The following TBX18 variants were observed in gnomAD, a reference collection of about 807,000 sequenced individuals.
TBX18 encodes T-box transcription factor 18.
Under a neutral mutation model 55.0 loss-of-function variants are expected in TBX18, and 21 were observed. That is an observed-to-expected ratio of 0.38 (90% CI 0.27 to 0.55). The LOEUF (loss-of-function observed/expected upper bound fraction) is 0.55, where lower values mean the gene tolerates loss of function less well. Ranked by LOEUF, TBX18 falls within the 20% of genes least tolerant of loss-of-function variation. The probability of loss-of-function intolerance (pLI) is 0.73; values close to 1 mark genes in which losing one functional copy is unlikely to be tolerated. For synonymous variants in TBX18, 342 were observed against 326.1 expected, an observed-to-expected ratio of 1.05 and a Z score of -0.53; for missense variants, 840 against 799.6, an observed-to-expected ratio of 1.05 and a Z score of -0.61.
At chr6:84,752,662 T>G (rs919174776) in intron 4 of TBX18, among the ~76,000 whole-genome samples, 1 of 152,214 alleles carries the variant, frequency 6.6e-6, no homozygotes, top group Non-Finnish European at 1.5e-5. Flanking sequence ...AAATGTGTCA[T>G]ACCTCTAAGT....
intron 4 of TBX18, among the ~76,000 whole-genome samples, chr6:84,754,142 G>C (rs953192433): frequency 2.0e-5 from 3 of 152,082 alleles, no homozygotes; most frequent in Non-Finnish European, 4.4e-5. Context: ...TGGCCAGGCT[G>C]GTCTCAAACT....
intron 6 of TBX18, among the ~76,000 whole-genome samples, chr6:84,743,283 T>G (rs1367330296): frequency 6.6e-6 from 1 of 152,174 alleles, no homozygotes; most frequent in Non-Finnish European, 1.5e-5. Flanking sequence ...CTGCAAGAAC[T>G]TGAGTGTATT....
chr6:84,748,319 C>T (rs1562261336), intron 4 of TBX18, among the ~76,000 whole-genome samples: 1 of 152,108 alleles, frequency 6.6e-6, no homozygotes, highest in East Asian at 1.9e-4. Context: ...ACCCTGTGTA[C>T]AACCATGTGA....
chr6:84,760,436 C>T (rs548301650), intron 2 of TBX18, 80 bp from the exon 3 acceptor site: 54 of 814,462 alleles, frequency 6.6e-5, no homozygotes, highest in Non-Finnish European at 9.6e-5. Context: ...GCAAAGAAAC[C>T]TCTTGGATCT....
intron 7 of TBX18, among the ~76,000 whole-genome samples, chr6:84,738,002 T>C (rs1766927436): frequency 6.6e-6 from 1 of 152,178 alleles, no homozygotes; most frequent in African/African-American, 2.4e-5. Context: ...TCGCTTTCCA[T>C]GCAGTTCCCT....
intron 7 of TBX18, 102 bp downstream of exon 7, chr6:84,738,395 G>T: frequency 2.2e-6 from 2 of 906,664 alleles, no homozygotes; most frequent in Non-Finnish European, 3.7e-6. Context: ...CTGGTGATGA[G>T]GTCATTATTG....
intron 4 of TBX18, among the ~76,000 whole-genome samples, chr6:84,752,122 C>G (rs1046957282): frequency 6.6e-6 from 1 of 151,992 alleles, no homozygotes; most frequent in South Asian, 2.1e-4. Context: ...TCCATAAATA[C>G]AGACTGCATT....
rs532223931 is a variant in TBX18, at chr6:84,763,534, C to CCGT, written c.292+355_292+356insACG. 153 of 519,960 alleles carry CCGT rather than the reference C, an allele frequency of 2.9e-4. 1 individual carries two copies. The highest frequency in any genetic ancestry group is 2.1e-3 in the South Asian group (137 of 64,662). 32.2% of individuals were successfully genotyped at this position (519,960 alleles called of 1,614,324 possible). A position where few individuals can be genotyped will look rare whatever the true frequency, so the allele number is the denominator to read the frequency against. On this transcript the variant is annotated intron_variant, in intron 1 of 7. Transcript: ENST00000369663. ...GGGTATGCCGTCGCTCCCCTCCTCC[C>CCGT]CGCCCTGTGCTTTTAAAAGTTAGGA...
rs552869858 is a variant in TBX18 at position 84,741,374 on chromosome 6, GA to G, written c.1005-2784del. 50 of 152,312 alleles carry G rather than the reference GA, an allele frequency of 3.3e-4. 1 individual carries two copies. Among genetic ancestry groups the G allele is most frequent in the African/African-American group, 1.1e-3 (44 of 41,574 alleles). The allele number at this position is 152,312 out of a possible 1,614,324, so 9.4% of individuals were successfully genotyped here. A position where few individuals can be genotyped will look rare whatever the true frequency, so the allele number is the denominator to read the frequency against. On this transcript the variant is annotated intron_variant, in intron 6 of 7. Transcript: ENST00000369663. ...TTATGTTTTTCCTGAAGTATTTAAA[GA>G]GAAGAAATTTTTGTACCTTCCTGAG...
chr6:84,748,364 G>C (rs778947572), intron 4 of TBX18, among the ~76,000 whole-genome samples: 6 of 152,052 alleles, frequency 3.9e-5, no homozygotes, highest in Non-Finnish European at 8.8e-5. Flanking sequence ...TAAAAACACA[G>C]GAATAAATTA....
rs1189693816 is a variant in TBX18 at position 84,764,100 on chromosome 6, C to A, written c.82G>T (p.Ala28Ser). The change falls in exon 1 of 8, where the codon GCC (alanine) becomes TCC (serine). Residue 28 changes from alanine to serine, a missense_variant. By Grantham distance (99) the Ala-to-Ser change is moderately conservative. Transcript: ENST00000369663. ...HAFSVEALIG[A>S]EKQQQLQKKR... is the part of the protein sequence containing the mutation. ...TTCTGAAGCTGTTGCTGCTTCTCGGCGCCGATCAGCGCCTCCACCGAGAAA... is the reference window on the plus strand; with the variant it reads ...TTCTGAAGCTGTTGCTGCTTCTCGGAGCCGATCAGCGCCTCCACCGAGAAA... The A allele has an allele frequency of 6.3e-7, 1 of 1,585,668 alleles. No homozygotes were observed.
chr6:84,734,191 A>G lies in TBX18; in HGVS notation c.*2494T>C, dbSNP rs1472795237. 6.6e-6 allele frequency: 1 copy of G among 152,138 alleles called. No individual in the cohort carries two copies. Among genetic ancestry groups the G allele is most frequent in the Non-Finnish European group, 1.5e-5 (1 of 68,034 alleles). 9.4% of individuals were successfully genotyped at this position (152,138 alleles called of 1,614,324 possible). ...TTCTCCCCTGGACCCAAAACAAAAC[A>G]TACCACCCCATCCCTTTCCTCTCAC... On this transcript the variant is annotated 3_prime_UTR_variant, in exon 8 of 8. Coordinates refer to ENST00000369663, the MANE Select transcript of TBX18 (RefSeq NM_001080508.3).
chr6:84,737,506 G>T (rs911346931), intron 7 of TBX18, 97 bp from the exon 8 acceptor site: 1 of 1,354,212 alleles, frequency 7.4e-7, no homozygotes, highest in South Asian at 1.8e-5. Context: ...ACAAGGCAAG[G>T]GTTGGAGGAA....
At chr6:84,739,126 A>G (rs1437161955) in intron 6 of TBX18, among the ~76,000 whole-genome samples, 1 of 151,956 alleles carries the variant, frequency 6.6e-6, no homozygotes, top group Non-Finnish European at 1.5e-5. Context: ...CACAATCTCT[A>G]CTACACCCAG....
intron 7 of TBX18, among the ~76,000 whole-genome samples, chr6:84,738,156 A>C (rs1766934914): frequency 6.6e-6 from 1 of 152,122 alleles, no homozygotes; most frequent in African/African-American, 2.4e-5. Flanking sequence ...AAGAAAACAA[A>C]CAAGATCTGA....
intron 3 of TBX18, among the ~76,000 whole-genome samples, chr6:84,757,468 A>G (rs919619399): frequency 6.6e-6 from 1 of 152,182 alleles, no homozygotes; most frequent in Non-Finnish European, 1.5e-5. Flanking sequence ...AGGACAAAGT[A>G]TTCAGTTTAA....
intron 1 of TBX18, chr6:84,763,171 A>T (rs1248110696): frequency 2.8e-6 from 1 of 359,552 alleles, no homozygotes; most frequent in African/African-American, 2.1e-5. Flanking sequence ...CGCAAGCAGC[A>T]AAAGCGCCCG....
Position 84,763,913 on chromosome 6 carries a change from G to A in TBX18, c.269C>T (p.Ala90Val), listed in dbSNP as rs1361602548. 1.6e-5 allele frequency: 25 copies of A among 1,554,390 alleles called. No individual in the cohort carries two copies. Among genetic ancestry groups the A allele is most frequent in the African/African-American group, 2.8e-5 (2 of 72,372 alleles). Residue 90 changes from alanine (A) to valine (V), a missense_variant, in exon 1 of 8, where the codon GCA (alanine) becomes GTA (valine). By Grantham distance (64) the Ala-to-Val change is moderately conservative. Transcript: ENST00000369663. ...ACCCGCGGCTCCGCGCTCCAGGTCT[G>A]CGCCACTCCGAGCCGGCCCAGACGT... ...GATSGPARSGADLERGAAGGC... is the reference protein window; with the variant it reads ...GATSGPARSGVDLERGAAGGC...
At position 84,744,223 on chromosome 6, in the gene TBX18, T is replaced by C. The variant is rs376186530; in HGVS notation, c.1004+38A>G. Reference sequence around the variant, plus strand: ...AAAATTCATAATAAAATATCAAATATATTTATCATAACCGGAATGGTCTTC... The same window carrying C: ...AAAATTCATAATAAAATATCAAATACATTTATCATAACCGGAATGGTCTTC... On this transcript the variant is annotated intron_variant, in intron 6 of 7. Transcript: ENST00000369663. 11 of 1,542,824 alleles carry C rather than the reference T, an allele frequency of 7.1e-6. No homozygotes were observed. The African/African-American group carries it at 1.3e-4, about 18-fold the overall frequency.
Sources: gnomAD v4.1 joint callset for allele counts (sites outside exome capture counted in the v4.1 genomes callset) on GRCh38, gnomAD v4.1.1 for gene constraint, MANE v1.5 for transcripts, NCBI Gene and HGNC (gene_info 2026-07-23, HGNC 2026-07-21) for gene names.